Variants in YWHAH observed in about 807,000 individuals in gnomAD.
The protein encoded by YWHAH is tyrosine 3-monooxygenase/tryptophan 5-monooxygenase activation protein eta.
YWHAH carries 6 observed loss-of-function variants against 22.9 expected under a neutral mutation model. The ratio of observed to expected loss-of-function variants is 0.26; its 90% CI spans 0.14 to 0.52. YWHAH has a LOEUF of 0.52. Among genes scored for constraint, YWHAH ranks in the 20% least tolerant of loss-of-function variants. The pLI, the probability that YWHAH is intolerant of heterozygous loss-of-function variation, is 0.97. For missense variants in YWHAH, 173 were observed against 308.6 expected, an observed-to-expected ratio of 0.56 and a Z score of 3.29; for synonymous variants, 135 against 124.5, an observed-to-expected ratio of 1.08 and a Z score of -0.56.
intron 1 of YWHAH, chr22:31,945,770 A>G: frequency 9.7e-7 from 1 of 1,032,378 alleles, no homozygotes; most frequent in South Asian, 1.6e-5. Context: ...ACCTCCTGAG[A>G]CCTGGGAGGA....
chr22:31,947,663 T>C (rs1205610363), intron 1 of YWHAH, among the ~76,000 whole-genome samples: 2 of 152,200 alleles, frequency 1.3e-5, no homozygotes, highest in African/African-American at 2.4e-5. Context: ...TAGAGTATAA[T>C]AGTGGGAAGA....
At position 31,956,213 on chromosome 22, in the gene YWHAH, T is replaced by G; in HGVS notation, c.162T>G (p.Gly54=). The change falls in exon 2 of 2, where the codon GGT becomes GGG. Residue 54 remains glycine, a synonymous_variant. Coordinates refer to ENST00000248975, the MANE Select transcript of YWHAH (RefSeq NM_003405.4). This position sits in a 1 kb window ranked among gnomAD's most constrained non-coding sequence, Gnocchi z 5.1. ...CTGTGGCCTACAAGAATGTGGTTGG[T>G]GCCAGGCGATCTTCCTGGAGGGTCA... The part of the protein sequence containing the change: ...LLSVAYKNVV[G]ARRSSWRVIS... 1 of 1,614,158 alleles carries G rather than the reference T, an allele frequency of 6.2e-7. No homozygotes were observed. Among genetic ancestry groups the G allele is most frequent in the Non-Finnish European group, 8.5e-7 (1 of 1,180,022 alleles).
intron 1 of YWHAH, among the ~76,000 whole-genome samples, chr22:31,947,107 A>G (rs1377328208): frequency 6.6e-6 from 1 of 152,188 alleles, no homozygotes; most frequent in Admixed American, 6.5e-5. Context: ...CTCAGTCTCT[A>G]TGTTATTAAT....
intron 1 of YWHAH, among the ~76,000 whole-genome samples, chr22:31,949,966 T>C (rs1437926535): frequency 1.3e-5 from 2 of 151,796 alleles, no homozygotes; most frequent in Admixed American, 6.6e-5. Context: ...ATTTTTTTTT[T>C]CCAAATACGA....
intron 1 of YWHAH, chr22:31,945,395 G>A: frequency 7.7e-7 from 1 of 1,298,908 alleles, no homozygotes; most frequent in Non-Finnish European, 1.0e-6. Context: ...GTCTAGGCGT[G>A]GACGGGGGCG....
At chr22:31,945,396 GAC>G in intron 1 of YWHAH, 1 of 1,298,980 alleles carries the variant, frequency 7.7e-7, no homozygotes, top group Non-Finnish European at 1.0e-6. Context: ...TCTAGGCGTG[GAC>G]GGGGGCGGGA....
At chr22:31,952,486 C>G (rs531482291) in intron 1 of YWHAH, among the ~76,000 whole-genome samples, 1 of 152,192 alleles carries the variant, frequency 6.6e-6, no homozygotes, top group Non-Finnish European at 1.5e-5. Context: ...AGTAAGCCAT[C>G]TTCATTTCAT....
Position 31,956,483 on chromosome 22 carries a change from CAG to C in YWHAH, c.433_434del (p.Ser145CysfsTer6). 6.2e-7 allele frequency: 1 copy of C among 1,614,206 alleles called. No homozygotes were observed. Among genetic ancestry groups the C allele is most frequent in the Non-Finnish European group, 8.5e-7 (1 of 1,180,036 alleles). On this transcript the variant is annotated frameshift_variant, in exon 2 of 2. Coordinates refer to ENST00000248975, the MANE Select transcript of YWHAH (RefSeq NM_003405.4). LOFTEE classifies it high-confidence loss of function. The surrounding 1 kb of genome is among the most constrained non-coding windows in gnomAD (Gnocchi z 5.1). ...AEVASGEKKN[S>X]VVEASEAAYK... ...AGGTCGCTTCTGGGGAGAAGAAAAA[CAG>C]TGTGGTCGAAGCTTCTGAAGCTGCC...
At position 31,945,177 on chromosome 22, in the gene YWHAH, C is replaced by T. The variant is rs2093832027; in HGVS notation, c.87+357C>T. ...ATTTCTCCTAGAGCGTTTCACCGGACCCGGGGGCTCCCCCTCTCGTCTTCC... is the reference window on the plus strand; with the variant it reads ...ATTTCTCCTAGAGCGTTTCACCGGATCCGGGGGCTCCCCCTCTCGTCTTCC... On this transcript the variant is annotated intron_variant, in intron 1 of 1. Transcript: ENST00000248975. The T allele has an allele frequency of 3.6e-6, 4 of 1,115,750 alleles. No individual in the cohort carries two copies. In the Admixed American group the frequency reaches 1.3e-4, roughly 37 times the overall value. The allele number at this position is 1,115,750 out of a possible 1,614,324, so 69.1% of individuals were successfully genotyped here. A position where few individuals can be genotyped will look rare whatever the true frequency, so the allele number is the denominator to read the frequency against.
Position 31,956,460 on chromosome 22 carries a change from G to A in YWHAH, c.409G>A (p.Val137Ile). The A allele has an allele frequency of 1.9e-6, 3 of 1,614,158 alleles. No individual in the cohort carries two copies. The highest frequency in any genetic ancestry group is 1.6e-4 in the Middle Eastern group (1 of 6,062). Residue 137 changes from valine (V) to isoleucine (I), a missense_variant, in exon 2 of 2, where the codon GTC (valine) becomes ATC (isoleucine). Coordinates refer to ENST00000248975, the MANE Select transcript of YWHAH (RefSeq NM_003405.4). This position sits in a 1 kb window ranked among gnomAD's most constrained non-coding sequence, Gnocchi z 5.1. ...TGATTACTACCGCTACTTAGCAGAG[G>A]TCGCTTCTGGGGAGAAGAAAAACAG... ...KGDYYRYLAE[V>I]ASGEKKNSVV...
At chr22:31,952,209 T>TTAGG (rs1169271042) in intron 1 of YWHAH, among the ~76,000 whole-genome samples, 2 of 152,232 alleles carry the variant, frequency 1.3e-5, no homozygotes, top group Non-Finnish European at 2.9e-5. Context: ...GCAGATGATC[T>TTAGG]TAGGTAGCAT....
At chr22:31,954,960 C>T (rs1017197405) in intron 1 of YWHAH, among the ~76,000 whole-genome samples, 8 of 152,224 alleles carry the variant, frequency 5.3e-5, no homozygotes, top group Non-Finnish European at 1.0e-4. Context: ...TCTAATAATG[C>T]TCTTCCTACT....
chr22:31,947,968 C>T (rs2093837306), intron 1 of YWHAH, among the ~76,000 whole-genome samples: 1 of 152,118 alleles, frequency 6.6e-6, no homozygotes, highest in Non-Finnish European at 1.5e-5. Flanking sequence ...AATTACTGGG[C>T]TAGCATTGTG....
chr22:31,945,178 C>T, intron 1 of YWHAH: 1 of 1,115,260 alleles, frequency 9.0e-7, no homozygotes, highest in South Asian at 2.3e-5. Flanking sequence ...TTCACCGGAC[C>T]CGGGGGCTCC....
At chr22:31,948,934 C>T (rs1055511777) in intron 1 of YWHAH, among the ~76,000 whole-genome samples, 1 of 152,292 alleles carries the variant, frequency 6.6e-6, no homozygotes, top group Admixed American at 6.5e-5. Context: ...AGAACTTCCA[C>T]AGTCCGGAAC....
chr22:31,950,142 C>T (rs1370818259), intron 1 of YWHAH, among the ~76,000 whole-genome samples: 1 of 102,484 alleles, frequency 9.8e-6, no homozygotes, highest in Non-Finnish European at 1.8e-5. Flanking sequence ...ATTTGAGTTT[C>T]TCCTGAGTTA....
In YWHAH at chr22:31,956,309, G is replaced by A; in HGVS notation, c.258G>A (p.Arg86=). ...EKKLEKVKAY[R]EKIEKELETV... is the part of the protein sequence containing the mutation. Reference sequence around the variant, plus strand: ...AATTGGAGAAAGTTAAAGCTTACCGGGAGAAGATTGAGAAGGAGCTGGAGA... The same window carrying A: ...AATTGGAGAAAGTTAAAGCTTACCGAGAGAAGATTGAGAAGGAGCTGGAGA... Residue 86 remains arginine (R), a synonymous_variant, in exon 2 of 2, where the codon CGG becomes CGA. Coordinates refer to ENST00000248975, the MANE Select transcript of YWHAH (RefSeq NM_003405.4). This position sits in a 1 kb window ranked among gnomAD's most constrained non-coding sequence, Gnocchi z 5.1. 1 of 1,614,136 alleles carries A rather than the reference G, an allele frequency of 6.2e-7. No homozygotes were observed. The highest frequency in any genetic ancestry group is 8.5e-7 in the Non-Finnish European group (1 of 1,180,032).
intron 1 of YWHAH, chr22:31,950,408 T>G (rs2093841673): frequency 3.8e-6 from 3 of 779,548 alleles, no homozygotes; most frequent in South Asian, 2.7e-5. Context: ...TGCAGTGGCA[T>G]TCCCTTCTGC....
At position 31,953,490 on chromosome 22, in the gene YWHAH, C is replaced by A. The variant is rs530193630; in HGVS notation, c.88-2649C>A. Among the ~76,000 whole-genome samples, 3 of 152,280 alleles carry A rather than the reference C, an allele frequency of 2.0e-5. No individual in the cohort carries two copies. In the East Asian group the frequency reaches 5.8e-4, roughly 29 times the overall value. On this transcript the variant is annotated intron_variant, in intron 1 of 1. Coordinates refer to ENST00000248975, the MANE Select transcript of YWHAH (RefSeq NM_003405.4). ...CCCTCAAACCTTGTTACAACATAGA[C>A]ATGTGACCCTCTGATGTGGGCAAAA...
Sources: gnomAD v4.1 joint callset for allele counts (sites outside exome capture counted in the v4.1 genomes callset) on GRCh38, gnomAD v4.1.1 for gene constraint, Gnocchi (gnomAD v3.1) non-coding constraint, MANE v1.5 for transcripts, NCBI Gene and HGNC (gene_info 2026-07-23, HGNC 2026-07-21) for gene names.